Variants in PXDNL observed in about 807,000 individuals in gnomAD.
PXDNL encodes probable oxidoreductase PXDNL.
PXDNL carries 145 observed loss-of-function variants against 150.8 expected under a neutral mutation model. That is an observed-to-expected ratio of 0.96 (90% CI 0.84 to 1.10). The LOEUF (loss-of-function observed/expected upper bound fraction) is 1.10, where lower values mean the gene tolerates loss of function less well. PXDNL is among the 50% of genes least tolerant of loss of function. PXDNL has a pLI of 0.00. For synonymous variants in PXDNL, 757 were observed against 725.7 expected (o/e 1.04, Z -0.69); for missense variants, 2,087 against 1,873.9 (o/e 1.11, Z -2.10).
chr8:51,584,515 C>G (rs1813280954), intron 3 of PXDNL, among the ~76,000 whole-genome samples: 1 of 152,176 alleles, frequency 6.6e-6, no homozygotes, highest in Non-Finnish European at 1.5e-5. Flanking sequence ...AGATTACTGA[C>G]AATGTACATC....
rs751302557 is a variant in PXDNL, at chr8:51,409,037, C to G, written c.2587G>C (p.Ala863Pro). 6.2e-7 allele frequency: 1 copy of G among 1,610,352 alleles called. No individual in the cohort carries two copies. Among genetic ancestry groups the G allele is most frequent in the Non-Finnish European group, 8.5e-7 (1 of 1,179,688 alleles). The stretch of plus-strand genomic sequence containing the variant: ...CTGGCACACGCGGGGCTGGAGCGCG[C>G]GAAGAGCATGCAGGGCGCGTGGGTG... Reference protein sequence around the residue: ...RGTHAPCMLFARSSPACASGR... With the variant: ...RGTHAPCMLFPRSSPACASGR... Residue 863 changes from alanine (A) to proline (P), a missense_variant, in exon 17 of 23, where the codon GCG (alanine) becomes CCG (proline). Transcript: ENST00000356297.
intron 3 of PXDNL, among the ~76,000 whole-genome samples, chr8:51,564,351 C>T (rs79190952): frequency 0.044 from 6,687 of 151,850 alleles, 321 homozygotes; most frequent in African/African-American, 0.12. Flanking sequence ...GATTATAATA[C>T]GTAGAATTTA....
intron 1 of PXDNL, among the ~76,000 whole-genome samples, chr8:51,726,499 G>A (rs943321877): frequency 6.6e-6 from 1 of 152,216 alleles, no homozygotes; most frequent in Non-Finnish European, 1.5e-5. Flanking sequence ...AAACATAGAC[G>A]TGACTATGCA....
chr8:51,415,955 A>G (rs542342068), intron 14 of PXDNL, among the ~76,000 whole-genome samples: 1 of 152,354 alleles, frequency 6.6e-6, no homozygotes, highest in South Asian at 2.1e-4. Flanking sequence ...GTGTTCAAAA[A>G]AAGTCAGTAG....
intron 3 of PXDNL, 123 bp from the exon 4 acceptor site, chr8:51,557,034 C>T: frequency 1.7e-6 from 1 of 604,900 alleles, no homozygotes; most frequent in Non-Finnish European, 3.0e-6. Context: ...CATAGATTCT[C>T]TAACAATATA....
At chr8:51,419,839 T>A (rs1808900323) in intron 14 of PXDNL, among the ~76,000 whole-genome samples, 1 of 152,188 alleles carries the variant, frequency 6.6e-6, no homozygotes, top group Non-Finnish European at 1.5e-5. Flanking sequence ...GCAAATAGAA[T>A]TAATATTTGC....
At position 51,450,334 on chromosome 8, in the gene PXDNL, T is replaced by C. The variant is rs1809776000; in HGVS notation, c.1250-1216A>G. Among the ~76,000 whole-genome samples, 4 of 152,308 alleles carry C rather than the reference T, an allele frequency of 2.6e-5. No individual in the cohort carries two copies. The South Asian group carries it at 8.3e-4, about 32-fold the overall frequency. On this transcript the variant is annotated intron_variant, in intron 10 of 22. Coordinates refer to ENST00000356297, the MANE Select transcript of PXDNL (RefSeq NM_144651.5). Reference sequence around the variant, plus strand: ...TGCCCTGTATATTGTGCCAACCTCCTATCTCATCCTGTGACTAAAAATACT... The same window carrying C: ...TGCCCTGTATATTGTGCCAACCTCCCATCTCATCCTGTGACTAAAAATACT...
chr8:51,582,553 T>C (rs1011044561), intron 3 of PXDNL, among the ~76,000 whole-genome samples: 26 of 152,158 alleles, frequency 1.7e-4, no homozygotes, highest in Admixed American at 3.3e-4. Context: ...TGAAGGACAA[T>C]GTTATGATAC....
chr8:51,642,167 G>A (rs1480009580), intron 2 of PXDNL, among the ~76,000 whole-genome samples: 1 of 150,840 alleles, frequency 6.6e-6, no homozygotes, highest in Non-Finnish European at 1.5e-5. Context: ...GAGAACACAT[G>A]GACACAGGAA....
intron 8 of PXDNL, among the ~76,000 whole-genome samples, chr8:51,468,396 A>T (rs921067329): frequency 4.6e-5 from 7 of 151,998 alleles, no homozygotes; most frequent in African/African-American, 1.7e-4. Flanking sequence ...ATTTGTGATT[A>T]CACTATAATA....
intron 8 of PXDNL, among the ~76,000 whole-genome samples, chr8:51,462,886 G>T (rs953369724): frequency 2.6e-5 from 4 of 152,006 alleles, no homozygotes; most frequent in Non-Finnish European, 4.4e-5. Context: ...ACCTAAAAGG[G>T]TTAGATTTCT....
At chr8:51,553,771 T>TATATATATAC (rs1236843720) in intron 4 of PXDNL, among the ~76,000 whole-genome samples, 7 of 63,830 alleles carry the variant, frequency 1.1e-4, no homozygotes, top group Non-Finnish European at 1.7e-4. Context: ...TATATATATA[T>TATATATATAC]ACACACACTG....
intron 14 of PXDNL, among the ~76,000 whole-genome samples, chr8:51,423,335 C>T (rs188472529): frequency 4.6e-5 from 7 of 152,238 alleles, no homozygotes; most frequent in Admixed American, 2.0e-4. Context: ...TATATATTTG[C>T]AAATCTTTGC....
chr8:51,356,259 A>T (rs2976987), intron 19 of PXDNL, among the ~76,000 whole-genome samples: 1 of 152,038 alleles, frequency 6.6e-6, no homozygotes, highest in Non-Finnish European at 1.5e-5. Context: ...GAGGCCGAGG[A>T]GGGCAGATCA....
chr8:51,399,487 G>A lies in PXDNL; in HGVS notation c.3557+8580C>T, dbSNP rs867798713. Among the ~76,000 whole-genome samples the A allele has an allele frequency of 7.9e-5, 12 of 152,178 alleles. No homozygotes were observed. In the East Asian group the frequency reaches 1.2e-3, roughly 15 times the overall value. On this transcript the variant is annotated intron_variant, in intron 17 of 22. Coordinates refer to ENST00000356297, the MANE Select transcript of PXDNL (RefSeq NM_144651.5). ...AAAATAAGCTTAAAACAATACATAC[G>A]GTGTGATTCAATTTATGTGAAGTTC...
At chr8:51,690,740 G>T (rs1405783880) in intron 1 of PXDNL, among the ~76,000 whole-genome samples, 4 of 151,120 alleles carry the variant, frequency 2.6e-5, no homozygotes, top group Non-Finnish European at 5.9e-5. Flanking sequence ...CTGAGGAATC[G>T]CCACACTGAC....
intron 2 of PXDNL, among the ~76,000 whole-genome samples, chr8:51,598,942 A>G (rs987679423): frequency 2.0e-5 from 3 of 151,934 alleles, no homozygotes; most frequent in Non-Finnish European, 4.4e-5. Context: ...CAGTATTTCA[A>G]TTTTTTCCTG....
rs116445269 is a variant in PXDNL, at chr8:51,406,168, T to C, written c.3557+1899A>G. ...AGAAGAAACATTCCGGGTACTCTAA[T>C]TTGTGGTGAATTTACAAGTTAGCTG... On this transcript the variant is annotated intron_variant, in intron 17 of 22. Coordinates refer to ENST00000356297, the MANE Select transcript of PXDNL (RefSeq NM_144651.5). Among the ~76,000 whole-genome samples the C allele has an allele frequency of 4.9e-3, 742 of 152,314 alleles. 5 individuals carry two copies. Among genetic ancestry groups the C allele is most frequent in the African/African-American group, 0.017 (718 of 41,558 alleles).
Position 51,666,737 on chromosome 8 carries a change from C to CCAAGT in PXDNL, c.165-11982_165-11978dup, listed in dbSNP as rs572812602. On this transcript the variant is annotated intron_variant, in intron 1 of 22. Coordinates refer to ENST00000356297, the MANE Select transcript of PXDNL (RefSeq NM_144651.5). ...GCAGCTACCAAGTCCTCTGCACCTC[C>CCAAGT]CAAGTCCCATGCCTGCATAATCACT... is the stretch of plus-strand genomic sequence containing the variant. Among the ~76,000 whole-genome samples, 150 of 152,280 alleles carry CCAAGT rather than the reference C, an allele frequency of 9.9e-4. 1 individual carries two copies. Among genetic ancestry groups the CCAAGT allele is most frequent in the African/African-American group, 3.4e-3 (141 of 41,566 alleles).
Sources: gnomAD v4.1 joint callset for allele counts (sites outside exome capture counted in the v4.1 genomes callset) on GRCh38, gnomAD v4.1.1 for gene constraint, MANE v1.5 for transcripts, NCBI Gene and HGNC (gene_info 2026-07-23, HGNC 2026-07-21) for gene names.